TNRC6B: variants seen among roughly 807,000 people sequenced by gnomAD.
TNRC6B encodes trinucleotide repeat containing adaptor 6B.
In TNRC6B, 52 loss-of-function variants were observed where a neutral mutation model predicts 203.6. The ratio of observed to expected loss-of-function variants is 0.26; its 90% CI spans 0.20 to 0.32. The LOEUF (loss-of-function observed/expected upper bound fraction) is 0.32, where lower values mean the gene tolerates loss of function less well. TNRC6B is among the 10% of genes least tolerant of loss of function. TNRC6B has a pLI of 1.00. For missense variants in TNRC6B, 1,923 were observed against 2,286.2 expected, an observed-to-expected ratio of 0.84 and a Z score of 3.24; for synonymous variants, 838 against 845.7, an observed-to-expected ratio of 0.99 and a Z score of 0.16.
chr22:40,053,855 T>G (rs549639527), intron 1 of TNRC6B, among the ~76,000 whole-genome samples: 1 of 152,334 alleles, frequency 6.6e-6, no homozygotes, highest in South Asian at 2.1e-4. Context: ...ATGTGTTCTG[T>G]GTATATCTTA....
intron 5 of TNRC6B, among the ~76,000 whole-genome samples, chr22:40,267,626 A>G (rs1244696635): frequency 1.3e-5 from 2 of 152,180 alleles, no homozygotes; most frequent in African/African-American, 4.8e-5. Context: ...GCACTATGGG[A>G]GACTAGGGCA....
Position 40,319,978 on chromosome 22 carries a change from C to T in TNRC6B, c.4975-1112C>T, listed in dbSNP as rs865997551. 1.6e-4 allele frequency among the ~76,000 whole-genome samples: 24 copies of T among 152,222 alleles called. No homozygotes were observed. In the Middle Eastern group the frequency reaches 0.014, roughly 86 times the overall value. On this transcript the variant is annotated intron_variant, in intron 21 of 22. Transcript: ENST00000454349. ...GTCTGTTGTGGCATATGCTGACATGCTTGTGTAATCTATTGTTACTTATAA... is the reference window on the plus strand; with the variant it reads ...GTCTGTTGTGGCATATGCTGACATGTTTGTGTAATCTATTGTTACTTATAA...
At chr22:40,088,367 A>G (rs146228682) in intron 1 of TNRC6B, among the ~76,000 whole-genome samples, 116 of 152,280 alleles carry the variant, frequency 7.6e-4, no homozygotes, top group East Asian at 2.3e-3. Flanking sequence ...GAGCTTCTAC[A>G]TATTTTGATC....
intron 1 of TNRC6B, among the ~76,000 whole-genome samples, chr22:40,222,224 A>G (rs2069720093): frequency 6.6e-6 from 1 of 152,182 alleles, no homozygotes; most frequent in Non-Finnish European, 1.5e-5. Flanking sequence ...TGGCCACTCT[A>G]GGCAACCCAC....
chr22:40,308,659 G>A lies in TNRC6B; in HGVS notation c.4258+10G>A. On this transcript the variant is annotated intron_variant, in intron 16 of 22. Transcript: ENST00000454349. Reference sequence around the variant, plus strand: ...AATATGCACAAAAATGGTAAGAGAAGCACTGAAAGCTAGAGCCCCCAACCC... The same window carrying A: ...AATATGCACAAAAATGGTAAGAGAAACACTGAAAGCTAGAGCCCCCAACCC... The A allele has an allele frequency of 6.2e-7, 1 of 1,606,574 alleles. No individual in the cohort carries two copies. Among genetic ancestry groups the A allele is most frequent in the Non-Finnish European group, 8.5e-7 (1 of 1,176,104 alleles).
chr22:40,068,828 C>T (rs2067920855), intron 1 of TNRC6B, among the ~76,000 whole-genome samples: 1 of 151,748 alleles, frequency 6.6e-6, no homozygotes, highest in Admixed American at 6.6e-5. Context: ...AAGTAGTCCT[C>T]CCTGCCTCAG....
chr22:40,066,304 T>A (rs1018560402), intron 1 of TNRC6B, among the ~76,000 whole-genome samples: 5 of 152,152 alleles, frequency 3.3e-5, no homozygotes, highest in Non-Finnish European at 5.9e-5. Flanking sequence ...GTTTCTTAGT[T>A]GTTTCAGGTA....
Position 40,266,710 on chromosome 22 carries a change from A to G in TNRC6B, c.2480A>G (p.Gln827Arg), listed in dbSNP as rs371440157. ...CAACACCAACAGCAGCAGCCCCCACAGCAGCCGCCGCCACCACAACCAGAG... is the reference window on the plus strand; with the variant it reads ...CAACACCAACAGCAGCAGCCCCCACGGCAGCCGCCGCCACCACAACCAGAG... ...NKQHQQQQPP[Q>R]QPPPPQPEAS... Residue 827 changes from glutamine to arginine, a missense_variant, in exon 5 of 23, where the codon CAG (glutamine) becomes CGG (arginine). Around this residue, in one of 8 missense-constraint regions of TNRC6B, gnomAD observed 599 missense variants for 656.5 expected, o/e 0.91. Transcript: ENST00000454349. The G allele has an allele frequency of 8.1e-5, 131 of 1,613,826 alleles. No homozygotes were observed. Among genetic ancestry groups the G allele is most frequent in the Admixed American group, 4.0e-4 (24 of 60,002 alleles).
chr22:40,063,199 A>G (rs2067869007), intron 1 of TNRC6B, among the ~76,000 whole-genome samples: 1 of 152,144 alleles, frequency 6.6e-6, no homozygotes, highest in Admixed American at 6.5e-5. Context: ...AATTCATTTA[A>G]TTATCTTGGC....
chr22:40,238,218 C>G (rs910966846), intron 1 of TNRC6B, among the ~76,000 whole-genome samples: 3 of 152,056 alleles, frequency 2.0e-5, no homozygotes, highest in Non-Finnish European at 4.4e-5. Flanking sequence ...TCAGCTGTGG[C>G]AAACGCACAC....
In TNRC6B at chr22:40,332,938, T is replaced by A. The variant is rs1441301451; in HGVS notation, c.*9697T>A. 1 of 152,590 alleles carries A rather than the reference T, an allele frequency of 6.6e-6. No homozygotes were observed. Among genetic ancestry groups the A allele is most frequent in the Non-Finnish European group, 1.5e-5 (1 of 68,048 alleles). The allele number at this position is 152,590 out of a possible 1,614,324, so 9.5% of individuals were successfully genotyped here. A position where few individuals can be genotyped will look rare whatever the true frequency, so the allele number is the denominator to read the frequency against. On this transcript the variant is annotated 3_prime_UTR_variant, in exon 23 of 23. Coordinates refer to ENST00000454349, the MANE Select transcript of TNRC6B (RefSeq NM_001162501.2). ...GCCATCAGAAGTTTCAGATCTTTACTCTTTCATGTTTAAGAAGAAAGAGCA... is the reference window on the plus strand; with the variant it reads ...GCCATCAGAAGTTTCAGATCTTTACACTTTCATGTTTAAGAAGAAAGAGCA...
chr22:40,204,161 A>C (rs1337389351), intron 1 of TNRC6B, among the ~76,000 whole-genome samples: 1 of 152,166 alleles, frequency 6.6e-6, no homozygotes, highest in Non-Finnish European at 1.5e-5. Flanking sequence ...AGAGGATATG[A>C]ATATTTTGTC....
intron 5 of TNRC6B, 106 bp from the exon 6 acceptor site, chr22:40,270,016 C>T (rs1183302971): frequency 9.0e-7 from 1 of 1,108,314 alleles, no homozygotes; most frequent in Non-Finnish European, 1.2e-6. Context: ...ATTTACATTT[C>T]TACCAACAGA....
chr22:40,167,317 T>C (rs1362918858), intron 4 of TNRC6B, among the ~76,000 whole-genome samples: 1 of 152,042 alleles, frequency 6.6e-6, no homozygotes, highest in Non-Finnish European at 1.5e-5. Context: ...GGCAAGAAAG[T>C]TGGTATGGAA....
intron 2 of TNRC6B, among the ~76,000 whole-genome samples, chr22:40,250,677 C>T (rs918135717): frequency 2.6e-5 from 4 of 152,138 alleles, no homozygotes; most frequent in African/African-American, 9.7e-5. Flanking sequence ...CTGGGGGTCT[C>T]ATAGCCAGAA....
rs1315968185 is a variant in TNRC6B, at chr22:40,266,013, C to T, written c.1783C>T (p.Pro595Ser). ...TAACTCTGGCCGTCGGTCGTACAGG[C>T]CCACACATCCTGATTGTCAGGCTGT... ...SHNSGRRSYR[P>S]THPDCQAVLQ... The change falls in exon 5 of 23, where the codon CCC becomes TCC. Residue 595 changes from proline to serine, a missense_variant. By Grantham distance (74) the Pro-to-Ser change is moderately conservative. Around this residue, in one of 8 missense-constraint regions of TNRC6B, gnomAD observed 614 missense variants for 587.7 expected, o/e 1.04. Transcript: ENST00000454349. 2.5e-6 allele frequency: 4 copies of T among 1,613,622 alleles called. No homozygotes were observed. Among genetic ancestry groups the T allele is most frequent in the African/African-American group, 1.3e-5 (1 of 74,926 alleles).
At chr22:40,068,927 C>T (rs1333379049) in intron 1 of TNRC6B, among the ~76,000 whole-genome samples, 4 of 151,776 alleles carry the variant, frequency 2.6e-5, no homozygotes, top group Non-Finnish European at 5.9e-5. Context: ...GGACTTTTTA[C>T]CTTGAAATTT....
At chr22:40,137,733 C>T (rs1281862990) in intron 3 of TNRC6B, among the ~76,000 whole-genome samples, 2 of 152,066 alleles carry the variant, frequency 1.3e-5, no homozygotes, top group Non-Finnish European at 2.9e-5. Flanking sequence ...CCTATAATCC[C>T]AGCACTTTGG....
intron 1 of TNRC6B, among the ~76,000 whole-genome samples, chr22:40,211,067 C>A (rs972164901): frequency 1.3e-5 from 2 of 151,946 alleles, no homozygotes; most frequent in Non-Finnish European, 2.9e-5. Flanking sequence ...CAGTTACCAG[C>A]CCTTTTAATA....
Sources: allele counts gnomAD v4.1 joint callset (sites outside exome capture counted in the v4.1 genomes callset), GRCh38; gene constraint gnomAD v4.1.1; regional missense constraint gnomAD v4.1.1; transcripts MANE v1.5; gene names NCBI Gene and HGNC (gene_info 2026-07-23, HGNC 2026-07-21).